SORCS2: variants seen among roughly 807,000 people sequenced by gnomAD.
SORCS2 encodes VPS10 domain-containing receptor SorCS2.
Under a neutral mutation model 141.6 loss-of-function variants are expected in SORCS2, and 100 were observed. The observed-to-expected ratio is 0.71, with a 90% CI of 0.60 to 0.83. The LOEUF (loss-of-function observed/expected upper bound fraction) is 0.83. Ranked by LOEUF, SORCS2 falls within the 40% of genes least tolerant of loss-of-function variation. The probability of loss-of-function intolerance (pLI) is 0.00; values close to 1 mark genes in which losing one functional copy is unlikely to be tolerated. For missense variants in SORCS2, 1,646 were observed against 1,560.2 expected (o/e 1.05, Z -0.93); for synonymous variants, 789 against 676.9 (o/e 1.17, Z -2.57).
At chr4:7,650,407 T>C (rs1290362810) in intron 4 of SORCS2, among the ~76,000 whole-genome samples, 1 of 152,196 alleles carries the variant, frequency 6.6e-6, no homozygotes, top group African/African-American at 2.4e-5. Context: ...GCAGCGTGCC[T>C]GGATAATCCC....
At chr4:7,728,193 C>T (rs1727353384) in intron 21 of SORCS2, among the ~76,000 whole-genome samples, 157 bp from the exon 22 acceptor site, 1 of 152,202 alleles carries the variant, frequency 6.6e-6, no homozygotes, top group Non-Finnish European at 1.5e-5. Context: ...TGCTGTCGGC[C>T]TGCTTGAGAA....
chr4:7,476,053 T>C (rs1357153251), intron 2 of SORCS2, among the ~76,000 whole-genome samples: 1 of 152,168 alleles, frequency 6.6e-6, no homozygotes, highest in East Asian at 1.9e-4. Context: ...CTGAAGGCTC[T>C]CGCTGGCCTA....
intron 2 of SORCS2, among the ~76,000 whole-genome samples, chr4:7,492,022 C>A (rs186085210): frequency 2.6e-5 from 4 of 152,194 alleles, no homozygotes; most frequent in African/African-American, 9.6e-5. Context: ...GATCCAGGGC[C>A]TCTTCCTCCT....
chr4:7,418,238 C>T (rs1174189417), intron 2 of SORCS2, among the ~76,000 whole-genome samples: 4 of 152,152 alleles, frequency 2.6e-5, no homozygotes, highest in Admixed American at 1.3e-4. Context: ...ATGGGGCTCG[C>T]GTTCTAGCAG....
intron 2 of SORCS2, among the ~76,000 whole-genome samples, chr4:7,419,839 G>A (rs1054066272): frequency 2.6e-5 from 4 of 152,228 alleles, no homozygotes; most frequent in Admixed American, 2.6e-4. Context: ...GCTTGCTGCT[G>A]TAGCAAACAG....
intron 2 of SORCS2, among the ~76,000 whole-genome samples, chr4:7,523,389 A>G (rs1246889455): frequency 6.6e-6 from 1 of 152,182 alleles, no homozygotes; most frequent in East Asian, 1.9e-4. Context: ...TGGCACCCAG[A>G]GCACCTCCAA....
At chr4:7,297,934 G>GC (rs1162702073) in intron 1 of SORCS2, among the ~76,000 whole-genome samples, 3 of 152,252 alleles carry the variant, frequency 2.0e-5, no homozygotes, top group Non-Finnish European at 1.5e-5. Context: ...CCGAGACTGA[G>GC]CCCCCTGGGG....
rs1275312542 is a variant in SORCS2 at position 7,714,305 on chromosome 4, C to G, written c.2055C>G (p.Ile685Met). 1.9e-6 allele frequency: 3 copies of G among 1,602,588 alleles called. No individual in the cohort carries two copies. Among genetic ancestry groups the G allele is most frequent in the South Asian group, 2.3e-5 (2 of 88,414 alleles). Residue 685 changes from isoleucine to methionine, a missense_variant, in exon 16 of 27, where the codon ATC becomes ATG. By Grantham distance (10) the Ile-to-Met change is conservative. Coordinates refer to ENST00000507866, the MANE Select transcript of SORCS2 (RefSeq NM_020777.3). ...AAAGAAAGTCCACGTCCTGGTGCAT[C>G]AAGGGGAGGAGCTTCACGTCGGCGC... The part of the protein sequence containing the change: ...FRKRKSTSWC[I>M]KGRSFTSALT...
chr4:7,567,367 C>T (rs1011241601), intron 3 of SORCS2, among the ~76,000 whole-genome samples: 1 of 150,688 alleles, frequency 6.6e-6, no homozygotes, highest in African/African-American at 2.5e-5. Flanking sequence ...TTCGGCTCCG[C>T]CTGGCTGTGA....
rs1191271919 is a variant in SORCS2, at chr4:7,724,751, GTGGTGGTGT to G, written c.2612-397_2612-389del. On this transcript the variant is annotated intron_variant, in intron 19 of 26. Coordinates refer to ENST00000507866, the MANE Select transcript of SORCS2 (RefSeq NM_020777.3). ...ATGGATGGTGGTAGTAGTGGTGATG[GTGGTGGTGT>G]TGGTGATGATGGTGGTGATGGTGCT... is the stretch of plus-strand genomic sequence containing the variant. 2.8e-5 allele frequency among the ~76,000 whole-genome samples: 3 copies of G among 105,966 alleles called. 1 individual carries two copies. The highest frequency in any genetic ancestry group is 1.2e-4 in the African/African-American group (3 of 24,718). The allele number at this position is 105,966 out of a possible 152,430, so 69.5% of individuals were successfully genotyped here. A position where few individuals can be genotyped will look rare whatever the true frequency, so the allele number is the denominator to read the frequency against.
At chr4:7,725,980 C>T (rs1314246631) in intron 20 of SORCS2, among the ~76,000 whole-genome samples, 1 of 152,238 alleles carries the variant, frequency 6.6e-6, no homozygotes, top group African/African-American at 2.4e-5. Context: ...TCGGCTCCGC[C>T]ACTTCCAGCT....
chr4:7,686,511 C>A (rs1430320079), intron 10 of SORCS2, among the ~76,000 whole-genome samples: 1 of 143,086 alleles, frequency 7.0e-6, no homozygotes, highest in East Asian at 2.1e-4. Context: ...CCTGCAGGAA[C>A]CCGGGCCCAC....
rs537622377 is a variant in SORCS2 at position 7,588,760 on chromosome 4, A to G, written c.649-49568A>G. Reference sequence around the variant, plus strand: ...AAGGGCGCTGGGAGAGAACACTGACATGCATTCATTCATTCATGCATTCAC... The same window carrying G: ...AAGGGCGCTGGGAGAGAACACTGACGTGCATTCATTCATTCATGCATTCAC... On this transcript the variant is annotated intron_variant, in intron 3 of 26. Transcript: ENST00000507866. 3.3e-5 allele frequency among the ~76,000 whole-genome samples: 5 copies of G among 150,736 alleles called. 1 individual carries two copies. The highest frequency in any genetic ancestry group is 1.2e-4 in the African/African-American group (5 of 41,398).
chr4:7,724,597 ATGG>A (rs1200583263), intron 19 of SORCS2, among the ~76,000 whole-genome samples: 3 of 86,556 alleles, frequency 3.5e-5, no homozygotes, highest in Non-Finnish European at 7.1e-5. Flanking sequence ...GGTGTTGGTG[ATGG>A]TGGTGATAGT....
At chr4:7,629,575 C>T (rs1173445384) in intron 3 of SORCS2, among the ~76,000 whole-genome samples, 1 of 151,976 alleles carries the variant, frequency 6.6e-6, no homozygotes, top group East Asian at 1.9e-4. Flanking sequence ...CCCTCGCTCC[C>T]CACCCGCTGA....
At position 7,201,604 on chromosome 4, in the gene SORCS2, C is replaced by G. The variant is rs1170711209; in HGVS notation, c.480+8478C>G. ...GACGGGCGAATCAGCTGGGACGCTG[C>G]CGAGAACCCCTGTGCCTTTTCCGGT... On this transcript the variant is annotated intron_variant, in intron 1 of 26. Transcript: ENST00000507866. The surrounding 1 kb of genome is among the most constrained non-coding windows in gnomAD (Gnocchi z 4.4). Among the ~76,000 whole-genome samples the G allele has an allele frequency of 6.6e-6, 1 of 152,192 alleles. No homozygotes were observed. The highest frequency in any genetic ancestry group is 2.4e-5 in the African/African-American group (1 of 41,444).
Position 7,559,242 on chromosome 4 carries a change from A to G in SORCS2, c.648+27613A>G, listed in dbSNP as rs181595892. 6.7e-4 allele frequency among the ~76,000 whole-genome samples: 102 copies of G among 152,002 alleles called. 1 individual carries two copies. The highest frequency in any genetic ancestry group is 2.3e-3 in the African/African-American group (95 of 41,458). On this transcript the variant is annotated intron_variant, in intron 3 of 26. Coordinates refer to ENST00000507866, the MANE Select transcript of SORCS2 (RefSeq NM_020777.3). ...CGTGCCCGCAGTGCCTCGGGCTTCCATGGCTTTTTGTTTGGGACCCTGAAG... is the reference window on the plus strand; with the variant it reads ...CGTGCCCGCAGTGCCTCGGGCTTCCGTGGCTTTTTGTTTGGGACCCTGAAG...
chr4:7,418,715 C>G lies in SORCS2; in HGVS notation c.548+22360C>G, dbSNP rs1014789103. ...GCGTAACAAATGACCCCCCCCCCCACCAGATTTGTAGATTAAAACAACAGT... is the reference window on the plus strand; with the variant it reads ...GCGTAACAAATGACCCCCCCCCCCAGCAGATTTGTAGATTAAAACAACAGT... On this transcript the variant is annotated intron_variant, in intron 2 of 26. Transcript: ENST00000507866. 5.0e-5 allele frequency among the ~76,000 whole-genome samples: 7 copies of G among 139,370 alleles called. No individual in the cohort carries two copies. In the East Asian group the frequency reaches 1.5e-3, roughly 30 times the overall value. 91.4% of individuals were successfully genotyped at this position (139,370 alleles called of 152,430 possible). A position where few individuals can be genotyped will look rare whatever the true frequency, so the allele number is the denominator to read the frequency against.
intron 3 of SORCS2, among the ~76,000 whole-genome samples, chr4:7,548,452 C>T (rs192976722): frequency 6.6e-6 from 1 of 152,234 alleles, no homozygotes; most frequent in African/African-American, 2.4e-5. Context: ...TACTAAGTGC[C>T]CGCTGGAAGC....
Sources: allele counts gnomAD v4.1 joint callset (sites outside exome capture counted in the v4.1 genomes callset), GRCh38; gene constraint gnomAD v4.1.1; non-coding constraint Gnocchi (gnomAD v3.1); transcripts MANE v1.5; gene names NCBI Gene and HGNC (gene_info 2026-07-23, HGNC 2026-07-21).